RAD51C: variants seen among roughly 807,000 people sequenced by gnomAD.
RAD51C encodes the protein RAD51 paralog C.
A neutral mutation model predicts 45.0 loss-of-function variants in RAD51C; 42 were observed. That is an observed-to-expected ratio of 0.93 (90% confidence interval 0.73 to 1.21). RAD51C has a LOEUF of 1.21. RAD51C is among the 50% of genes most tolerant of loss of function. RAD51C has a pLI of 0.00. For missense variants in RAD51C, 474 were observed against 452.2 expected (o/e 1.05, Z -0.44); for synonymous variants, 172 against 159.8 (o/e 1.08, Z -0.58).
intron 4 of RAD51C, among the ~76,000 whole-genome samples, chr17:58,707,934 C>T (rs1000801570): frequency 6.6e-6 from 1 of 152,280 alleles, no homozygotes; most frequent in Middle Eastern, 3.4e-3. Flanking sequence ...GTCTTTTCTT[C>T]AAGGACACTA....
intron 5 of RAD51C, among the ~76,000 whole-genome samples, chr17:58,710,194 C>T (rs552431234): frequency 6.6e-6 from 1 of 151,580 alleles, no homozygotes; most frequent in Non-Finnish European, 1.5e-5. Context: ...AATTAATGGA[C>T]TTTGTGGTTG....
chr17:58,724,126 T>G (rs932747553), intron 7 of RAD51C, 26 bp downstream of exon 7: 18 of 1,581,692 alleles, frequency 1.1e-5, no homozygotes, highest in Non-Finnish European at 1.5e-5. Context: ...AGTTAATAAC[T>G]CCGAATATTG....
intron 5 of RAD51C, among the ~76,000 whole-genome samples, chr17:58,713,861 C>G (rs2048639959): frequency 6.6e-6 from 1 of 151,922 alleles, no homozygotes. Flanking sequence ...ACTATGTTGC[C>G]TAGGCTGTTC....
intron 5 of RAD51C, among the ~76,000 whole-genome samples, chr17:58,717,665 G>A (rs1392114841): frequency 3.3e-5 from 5 of 152,134 alleles, no homozygotes; most frequent in African/African-American, 1.2e-4. Context: ...GAACTCAGGA[G>A]GCGGAGGTTG....
intron 3 of RAD51C, among the ~76,000 whole-genome samples, chr17:58,701,334 C>A (rs55734607): frequency 6.6e-6 from 1 of 151,652 alleles, no homozygotes; most frequent in Non-Finnish European, 1.5e-5. Flanking sequence ...TGGTGAAACC[C>A]CGTCTCTACT....
intron 1 of RAD51C, chr17:58,694,125 C>T (rs1266121444): frequency 1.3e-5 from 2 of 152,098 alleles, no homozygotes; most frequent in Admixed American, 6.6e-5. Flanking sequence ...AATAATTGTT[C>T]TCATTAGTTT....
chr17:58,694,223 T>G (rs762576829), intron 1 of RAD51C: 3 of 146,362 alleles, frequency 2.0e-5, no homozygotes, highest in African/African-American at 8.0e-5. Flanking sequence ...CTTAAAGTTG[T>G]ACCTTGTTTT....
chr17:58,710,287 C>G (rs1351524170), intron 5 of RAD51C, among the ~76,000 whole-genome samples: 3 of 146,974 alleles, frequency 2.0e-5, no homozygotes, highest in Non-Finnish European at 4.5e-5. Context: ...TGAGACCACC[C>G]TCGCCAACAT....
intron 1 of RAD51C, 105 bp from the exon 2 acceptor site, chr17:58,694,826 C>A: frequency 9.0e-7 from 1 of 1,108,400 alleles, no homozygotes; most frequent in Non-Finnish European, 1.4e-6. Context: ...TGTTTCTCCA[C>A]TCCTAGCATC....
At chr17:58,709,257 T>G (rs2048472247) in intron 4 of RAD51C, among the ~76,000 whole-genome samples, 1 of 151,786 alleles carries the variant, frequency 6.6e-6, no homozygotes, top group South Asian at 2.1e-4. Context: ...TTTTGTAGTT[T>G]TAGCAGAGAT....
chr17:58,720,662 G>T, intron 5 of RAD51C, 84 bp from the exon 6 acceptor site: 1 of 1,005,926 alleles, frequency 9.9e-7, no homozygotes, highest in East Asian at 2.5e-5. Context: ...TAGTAGAGAT[G>T]GGGTTTCACA....
chr17:58,703,182 T>A lies in RAD51C; in HGVS notation c.572-14T>A, dbSNP rs2143796079. 1 of 1,609,486 alleles carries A rather than the reference T, an allele frequency of 6.2e-7. No individual in the cohort carries two copies. Among genetic ancestry groups the A allele is most frequent in the Non-Finnish European group, 8.5e-7 (1 of 1,176,182 alleles). On this transcript the variant is annotated splice_polypyrimidine_tract_variant and intron_variant, in intron 3 of 8. Transcript: ENST00000337432. ...AAACAGGTAAAACTAATTAAGAGTG[T>A]TTTGTTGTTTCAGAACACCGAAAAG... is the stretch of plus-strand genomic sequence containing the variant.
At chr17:58,693,676 C>T (rs1248003297) in intron 1 of RAD51C, 3 of 152,140 alleles carry the variant, frequency 2.0e-5, no homozygotes, top group Non-Finnish European at 4.4e-5. Flanking sequence ...ATAATGATCA[C>T]TAACAACTAT....
intron 4 of RAD51C, among the ~76,000 whole-genome samples, chr17:58,707,222 A>T (rs2048404682): frequency 6.6e-6 from 1 of 152,172 alleles, no homozygotes; most frequent in Non-Finnish European, 1.5e-5. Context: ...TTTCTGTATA[A>T]ATCCTCACCA....
At chr17:58,723,311 CT>C (rs547761551) in intron 6 of RAD51C, among the ~76,000 whole-genome samples, 58 of 146,878 alleles carry the variant, frequency 3.9e-4, no homozygotes, top group South Asian at 8.6e-4. Flanking sequence ...ACACTTAATG[CT>C]TTTTTTTTTG....
rs71143280 is a variant in RAD51C, at chr17:58,710,317, T to TA, written c.837+351dup. ...CAACATGGTGAAACCCTGTCTCTAC[T>TA]AAAAAAAAAAAAAAAAAAAAAAAAC... On this transcript the variant is annotated intron_variant, in intron 5 of 8. Coordinates refer to ENST00000337432, the MANE Select transcript of RAD51C (RefSeq NM_058216.3). 0.31 allele frequency among the ~76,000 whole-genome samples: 20,602 copies of TA among 67,096 alleles called. 2,887 individuals are homozygous for TA. The highest frequency in any genetic ancestry group is 0.42 in the Middle Eastern group (42 of 100). The allele number at this position is 67,096 out of a possible 152,430, so 44.0% of individuals were successfully genotyped here. A position where few individuals can be genotyped will look rare whatever the true frequency, so the allele number is the denominator to read the frequency against.
At position 58,734,397 on chromosome 17, in the gene RAD51C, A is replaced by C. The variant is rs899920856; in HGVS notation, c.*175A>C. The C allele has an allele frequency of 1.9e-6, 2 of 1,078,550 alleles. No individual in the cohort carries two copies. Among genetic ancestry groups the C allele is most frequent in the Non-Finnish European group, 1.3e-6 (1 of 766,344 alleles). The allele number at this position is 1,078,550 out of a possible 1,614,324, so 66.8% of individuals were successfully genotyped here. ...GATTCTGTGAAAGTTTTTCTAAAGC[A>C]GTATTCTGCAATTATATTTTACCCT... On this transcript the variant is annotated 3_prime_UTR_variant, in exon 9 of 9. Coordinates refer to ENST00000337432, the MANE Select transcript of RAD51C (RefSeq NM_058216.3).
At chr17:58,705,339 T>G (rs2048341775) in intron 4 of RAD51C, among the ~76,000 whole-genome samples, 2 of 149,720 alleles carry the variant, frequency 1.3e-5, no homozygotes, top group Admixed American at 1.3e-4. Context: ...GTTTTTTCTT[T>G]TTTTTGGGGG....
chr17:58,707,244 C>T (rs575973899), intron 4 of RAD51C, among the ~76,000 whole-genome samples: 2 of 152,276 alleles, frequency 1.3e-5, no homozygotes, highest in South Asian at 2.1e-4. Context: ...AATAGCCGGG[C>T]ATGGTGGCTC....
Sources: gnomAD v4.1 joint callset for allele counts (sites outside exome capture counted in the v4.1 genomes callset) on GRCh38, gnomAD v4.1.1 for gene constraint, MANE v1.5 for transcripts, NCBI Gene and HGNC (gene_info 2026-07-23, HGNC 2026-07-21) for gene names.